CFAP61: variants seen among roughly 807,000 people sequenced by gnomAD.
CFAP61 encodes cilia and flagella associated protein 61.
Under a neutral mutation model 135.6 loss-of-function variants are expected in CFAP61, and 107 were observed. The ratio of observed to expected loss-of-function variants is 0.79; its 90% confidence interval spans 0.67 to 0.93. CFAP61 has a LOEUF of 0.93. CFAP61 is among the 40% of genes least tolerant of loss of function. The pLI is 0.00. For synonymous variants in CFAP61, 575 were observed against 578.5 expected (o/e 0.99, Z 0.09); for missense variants, 1,507 against 1,556.2 (o/e 0.97, Z 0.53).
chr20:20,116,752 C>A (rs183873023), intron 8 of CFAP61, among the ~76,000 whole-genome samples: 3 of 152,224 alleles, frequency 2.0e-5, no homozygotes, highest in East Asian at 3.9e-4. Context: ...TTCTCTCCCC[C>A]ACCCCTCTAC....
intron 16 of CFAP61, among the ~76,000 whole-genome samples, chr20:20,199,035 T>C (rs2056461043): frequency 1.3e-5 from 2 of 152,224 alleles, no homozygotes; most frequent in Non-Finnish European, 2.9e-5. Context: ...AAGATCACCA[T>C]GTTTGGTTTT....
chr20:20,322,597 G>C (rs2057573130), intron 25 of CFAP61: 1 of 628,768 alleles, frequency 1.6e-6, no homozygotes, highest in Non-Finnish European at 2.0e-6. Flanking sequence ...AGAGGGAAGT[G>C]GTATATATTT....
intron 18 of CFAP61, among the ~76,000 whole-genome samples, chr20:20,244,931 G>A (rs145400655): frequency 2.0e-4 from 31 of 152,240 alleles, no homozygotes; most frequent in African/African-American, 6.3e-4. Context: ...AAATCTCTAG[G>A]GCAGGGGCAA....
intron 17 of CFAP61, among the ~76,000 whole-genome samples, chr20:20,206,872 T>C (rs2056879916): frequency 6.6e-6 from 1 of 152,180 alleles, no homozygotes; most frequent in Non-Finnish European, 1.5e-5. Context: ...TTTTCCAAAG[T>C]GACTGCATTA....
At chr20:20,238,035 T>A (rs932558929) in intron 18 of CFAP61, among the ~76,000 whole-genome samples, 7 of 152,296 alleles carry the variant, frequency 4.6e-5, no homozygotes, top group South Asian at 2.1e-4. Flanking sequence ...AAAATAAAAA[T>A]TTTTTTAAAA....
At chr20:20,144,163 C>T (rs573081387) in intron 9 of CFAP61, among the ~76,000 whole-genome samples, 1 of 152,140 alleles carries the variant, frequency 6.6e-6, no homozygotes, top group Non-Finnish European at 1.5e-5. Flanking sequence ...AATTACTTGG[C>T]ACCCACCAAG....
chr20:20,281,916 G>C (rs1177864807), intron 22 of CFAP61, among the ~76,000 whole-genome samples: 2 of 152,084 alleles, frequency 1.3e-5, no homozygotes, highest in East Asian at 3.8e-4. Context: ...AAAGGCTTTT[G>C]ATAACAAATT....
At chr20:20,104,404 G>A (rs993307203) in intron 8 of CFAP61, among the ~76,000 whole-genome samples, 4 of 151,852 alleles carry the variant, frequency 2.6e-5, no homozygotes, top group African/African-American at 9.7e-5. Flanking sequence ...TCCCTGTGTC[G>A]GAGCTAAAAA....
Position 20,251,778 on chromosome 20 carries a change from A to G in CFAP61, c.2328+15A>G, listed in dbSNP as rs2050936717. The stretch of plus-strand genomic sequence containing the variant: ...AGCAGTACCAGGTAAGGCCGGGCAC[A>G]GGGGGCGCAAGCCACGTGTCTGGAG... On this transcript the variant is annotated intron_variant, in intron 20 of 26. Transcript: ENST00000245957. The G allele has an allele frequency of 6.2e-7, 1 of 1,611,428 alleles. No individual in the cohort carries two copies.
At chr20:20,076,382 C>T (rs535172995) in intron 6 of CFAP61, among the ~76,000 whole-genome samples, 11 of 152,266 alleles carry the variant, frequency 7.2e-5, no homozygotes, top group African/African-American at 2.2e-4. Context: ...GCTGGGCTCC[C>T]GCTGACAGTT....
chr20:20,171,900 C>T (rs1001303898), intron 13 of CFAP61: 25 of 604,006 alleles, frequency 4.1e-5, no homozygotes, highest in Admixed American at 2.6e-4. Context: ...AGAGCTAGCT[C>T]GGAGCACCGT....
chr20:20,284,006 G>T (rs908582208), intron 22 of CFAP61, among the ~76,000 whole-genome samples: 4 of 152,148 alleles, frequency 2.6e-5, no homozygotes, highest in Non-Finnish European at 5.9e-5. Flanking sequence ...TTAAGGAAGA[G>T]GTGGAATCTT....
chr20:20,091,506 GCT>G (rs11467726), intron 7 of CFAP61, among the ~76,000 whole-genome samples: 135,741 of 149,720 alleles, frequency 0.91, 61,663 homozygotes, highest in East Asian at 1. Flanking sequence ...TCTCTTGCTG[GCT>G]CTCTCTCTCT....
At chr20:20,257,040 T>G (rs1357752126) in intron 20 of CFAP61, among the ~76,000 whole-genome samples, 1 of 151,924 alleles carries the variant, frequency 6.6e-6, no homozygotes, top group Admixed American at 6.6e-5. Flanking sequence ...TTGAACAAAC[T>G]TCAAAAGAAA....
intron 8 of CFAP61, among the ~76,000 whole-genome samples, chr20:20,136,737 C>T (rs866477999): frequency 1.3e-5 from 2 of 152,150 alleles, no homozygotes; most frequent in Non-Finnish European, 2.9e-5. Flanking sequence ...TGGGATTGGT[C>T]CCTGGTGCCT....
intron 17 of CFAP61, chr20:20,214,924 C>A (rs1469371124): frequency 6.6e-6 from 1 of 152,290 alleles, no homozygotes; most frequent in Non-Finnish European, 1.5e-5. Flanking sequence ...CCACAGGGAG[C>A]AGACTCATAA....
At chr20:20,255,704 A>G (rs2051490370) in intron 20 of CFAP61, among the ~76,000 whole-genome samples, 1 of 152,204 alleles carries the variant, frequency 6.6e-6, no homozygotes, top group Non-Finnish European at 1.5e-5. Flanking sequence ...CCTACTATAT[A>G]GAGATCTCAC....
intron 25 of CFAP61, among the ~76,000 whole-genome samples, chr20:20,317,915 C>T (rs1035012663): frequency 6.6e-6 from 1 of 152,222 alleles, no homozygotes; most frequent in African/African-American, 2.4e-5. Context: ...ATGATTAGTT[C>T]CCAGCCACTA....
At chr20:20,110,535 C>A (rs1228579782) in intron 8 of CFAP61, among the ~76,000 whole-genome samples, 7 of 152,068 alleles carry the variant, frequency 4.6e-5, no homozygotes, top group Non-Finnish European at 1.0e-4. Context: ...TTTCTGAGAC[C>A]AAAGGGCATC....
Sources: gnomAD v4.1 joint callset for allele counts (sites outside exome capture counted in the v4.1 genomes callset) on GRCh38, gnomAD v4.1.1 for gene constraint, MANE v1.5 for transcripts, NCBI Gene and HGNC (gene_info 2026-07-23, HGNC 2026-07-21) for gene names.